Variants in ZNF423 observed in about 807,000 individuals in gnomAD.
ZNF423 encodes the protein zinc finger protein 423, also known as Ebf-associated zinc finger protein.
A neutral mutation model predicts 95.8 loss-of-function variants in ZNF423; 12 were observed. The observed-to-expected ratio is 0.13, with a 90% confidence interval of 0.08 to 0.20. The LOEUF (loss-of-function observed/expected upper bound fraction) is 0.20. Ranked by LOEUF, ZNF423 falls within the 10% of genes least tolerant of loss-of-function variation. The pLI is 1.00. For synonymous variants in ZNF423, 749 were observed against 711.9 expected, an observed-to-expected ratio of 1.05 and a Z score of -0.83; for missense variants, 1,316 against 1,737.1, an observed-to-expected ratio of 0.76 and a Z score of 4.31.
At chr16:49,559,265 C>G (rs1240623438) in intron 5 of ZNF423, among the ~76,000 whole-genome samples, 1 of 152,238 alleles carries the variant, frequency 6.6e-6, no homozygotes, top group Non-Finnish European at 1.5e-5. Flanking sequence ...CCGCTTTGTA[C>G]TTTCCTACTC....
intron 2 of ZNF423, among the ~76,000 whole-genome samples, chr16:49,763,715 G>A (rs2033873731): frequency 6.6e-6 from 1 of 152,064 alleles, no homozygotes; most frequent in African/African-American, 2.4e-5. Context: ...CTTGGGGGTG[G>A]CAACTGGTTG....
At chr16:49,706,359 A>C (rs1011959623) in intron 3 of ZNF423, among the ~76,000 whole-genome samples, 1 of 152,268 alleles carries the variant, frequency 6.6e-6, no homozygotes, top group African/African-American at 2.4e-5. Flanking sequence ...CCTCCAGGCC[A>C]GCCATGGCCA....
chr16:49,805,063 C>A (rs2034641082), intron 1 of ZNF423, among the ~76,000 whole-genome samples: 2 of 151,968 alleles, frequency 1.3e-5, no homozygotes, highest in South Asian at 2.1e-4. Context: ...CCGCACCCAG[C>A]TAATTTTTGT....
At chr16:49,555,746 G>T (rs1969800848) in intron 5 of ZNF423, among the ~76,000 whole-genome samples, 2 of 152,190 alleles carry the variant, frequency 1.3e-5, no homozygotes, top group South Asian at 4.2e-4. Flanking sequence ...AAGGATAAGT[G>T]TATGGGTGAA....
chr16:49,751,010 G>T (rs1381198437), intron 2 of ZNF423, among the ~76,000 whole-genome samples: 2 of 152,136 alleles, frequency 1.3e-5, no homozygotes, highest in East Asian at 3.9e-4. Flanking sequence ...GCGACGAAAG[G>T]CCCGAGGAAG....
intron 3 of ZNF423, among the ~76,000 whole-genome samples, chr16:49,703,277 G>A (rs915472715): frequency 3.3e-5 from 5 of 152,178 alleles, no homozygotes; most frequent in African/African-American, 4.8e-5. Flanking sequence ...TATCCATTAC[G>A]TCAGCTTGGG....
Position 49,653,128 on chromosome 16 carries a change from C to T in ZNF423, c.302-14254G>A, listed in dbSNP as rs536395674. On this transcript the variant is annotated intron_variant, in intron 3 of 7. Coordinates refer to ENST00000563137, the MANE Select transcript of ZNF423 (RefSeq NM_001379286.1). ...TTGGATTCTCCAGGCAGGGCTGCAGCGGCAAAACCTCAGGCGGGTGGGAGG... is the reference window on the plus strand; with the variant it reads ...TTGGATTCTCCAGGCAGGGCTGCAGTGGCAAAACCTCAGGCGGGTGGGAGG... Among the ~76,000 whole-genome samples, 6 of 152,170 alleles carry T rather than the reference C, an allele frequency of 3.9e-5. No individual in the cohort carries two copies. The East Asian group carries it at 7.8e-4, about 20-fold the overall frequency.
intron 5 of ZNF423, among the ~76,000 whole-genome samples, chr16:49,608,864 A>G (rs1426238476): frequency 6.6e-6 from 1 of 152,070 alleles, no homozygotes; most frequent in Non-Finnish European, 1.5e-5. Context: ...GAGATCTGAG[A>G]CTGCCGTGCT....
intron 1 of ZNF423, among the ~76,000 whole-genome samples, chr16:49,837,894 C>A (rs149773762): frequency 0.026 from 3,995 of 152,326 alleles, 69 homozygotes; most frequent in Middle Eastern, 0.054. Context: ...CCCGGGAGGA[C>A]CTTGTCGAAG....
At chr16:49,771,259 A>G (rs1019862922) in intron 2 of ZNF423, among the ~76,000 whole-genome samples, 6 of 135,080 alleles carry the variant, frequency 4.4e-5, no homozygotes, top group Admixed American at 1.7e-4. Context: ...CTGGAGTGCA[A>G]TGGTGTGATC....
intron 5 of ZNF423, among the ~76,000 whole-genome samples, chr16:49,569,330 T>C (rs1399962532): frequency 6.6e-6 from 1 of 152,202 alleles, no homozygotes; most frequent in Non-Finnish European, 1.5e-5. Context: ...ATACGAATCC[T>C]CCAAGACTTC....
At chr16:49,531,550 A>G (rs1968846230) in intron 5 of ZNF423, among the ~76,000 whole-genome samples, 1 of 152,136 alleles carries the variant, frequency 6.6e-6, no homozygotes, top group Non-Finnish European at 1.5e-5. Context: ...GTTTCCTGTA[A>G]GAAACAAAGA....
At chr16:49,558,175 T>C (rs1969897841) in intron 5 of ZNF423, among the ~76,000 whole-genome samples, 1 of 152,192 alleles carries the variant, frequency 6.6e-6, no homozygotes, top group African/African-American at 2.4e-5. Context: ...CTTGGACCTG[T>C]GGATGGAGCT....
At chr16:49,650,090 GC>G (rs1973343442) in intron 3 of ZNF423, among the ~76,000 whole-genome samples, 1 of 152,210 alleles carries the variant, frequency 6.6e-6, no homozygotes, top group Non-Finnish European at 1.5e-5. Context: ...GACTGACCAG[GC>G]CTGCCCTTCT....
chr16:49,579,314 G>A (rs939862502), intron 5 of ZNF423, among the ~76,000 whole-genome samples: 17 of 145,214 alleles, frequency 1.2e-4, no homozygotes, highest in African/African-American at 4.3e-4. Flanking sequence ...AGATCTCCAT[G>A]GGGCAGGACC....
intron 2 of ZNF423, among the ~76,000 whole-genome samples, chr16:49,786,862 A>T (rs538703818): frequency 2.0e-4 from 31 of 152,354 alleles, no homozygotes; most frequent in African/African-American, 7.0e-4. Flanking sequence ...CTTCTTTGGC[A>T]TCTGCTGCCA....
rs1972850800 is a variant in ZNF423 at position 49,638,603 on chromosome 16, C to A, written c.573G>T (p.Arg191=). Residue 191 remains arginine, a synonymous_variant, in exon 4 of 8, where the codon CGG becomes CGT. Transcript: ENST00000563137. This position sits in a 1 kb window ranked among gnomAD's most constrained non-coding sequence, Gnocchi z 5.6. ...TGTCGCCCGTATGCAGCTTGATGTG[C>A]CGGTCACGGCTCCTCTTGTGCTTGA... ...RLFKHKRSRD[R]HIKLHTGDKK... is the part of the protein sequence containing the mutation. 2 of 1,613,858 alleles carry A rather than the reference C, an allele frequency of 1.2e-6. No individual in the cohort carries two copies. The highest frequency in any genetic ancestry group is 1.7e-6 in the Non-Finnish European group (2 of 1,179,966).
chr16:49,510,077 C>G (rs1210341696), intron 7 of ZNF423, among the ~76,000 whole-genome samples: 1 of 152,346 alleles, frequency 6.6e-6, no homozygotes, highest in Admixed American at 6.5e-5. Flanking sequence ...GGCTTAAACT[C>G]GCTGTTGAGC....
chr16:49,772,783 G>A (rs1489406138), intron 2 of ZNF423, among the ~76,000 whole-genome samples: 6 of 152,262 alleles, frequency 3.9e-5, no homozygotes, highest in Middle Eastern at 3.4e-3. Flanking sequence ...ACCAACACCC[G>A]AGGGAACAGC....
Sources: gnomAD v4.1 joint callset for allele counts (sites outside exome capture counted in the v4.1 genomes callset) on GRCh38, gnomAD v4.1.1 for gene constraint, Gnocchi (gnomAD v3.1) non-coding constraint, MANE v1.5 for transcripts, NCBI Gene and HGNC (gene_info 2026-07-23, HGNC 2026-07-21) for gene names.